Variants in HEATR5A observed in about 807,000 individuals in gnomAD.
The protein encoded by HEATR5A is HEAT repeat containing 5A, also known as HEAT repeat-containing protein 5A.
HEATR5A carries 178 observed loss-of-function variants against 218.8 expected under a neutral mutation model. That is an observed-to-expected ratio of 0.81 (90% CI 0.72 to 0.92). HEATR5A has a LOEUF of 0.92. HEATR5A is among the 40% of genes least tolerant of loss of function. HEATR5A has a pLI of 0.00. For missense variants in HEATR5A, 2,420 were observed against 2,418.9 expected, an observed-to-expected ratio of 1.00 and a Z score of -0.01; for synonymous variants, 864 against 871.6, an observed-to-expected ratio of 0.99 and a Z score of 0.15.
Position 31,398,847 on chromosome 14 carries a change from T to C in HEATR5A, c.339-66A>G, listed in dbSNP as rs2030758705. 35 of 871,358 alleles carry C rather than the reference T, an allele frequency of 4.0e-5. 1 individual carries two copies. In the South Asian group the frequency reaches 5.1e-4, roughly 13 times the overall value. The allele number at this position is 871,358 out of a possible 1,614,324, so 54.0% of individuals were successfully genotyped here. On this transcript the variant is annotated intron_variant, in intron 3 of 35. Coordinates refer to ENST00000543095, the MANE Select transcript of HEATR5A (RefSeq NM_015473.4). ...AAATAGGAATAAAAAGATCTTAGGA[T>C]ATGTAAGGATAACTGTTGAAAAATA... is the stretch of plus-strand genomic sequence containing the variant.
In HEATR5A at chr14:31,407,580, TTATTTATATATATATATATA is replaced by T. The variant is rs1302899208; in HGVS notation, c.-74-4551_-74-4532del. 6.2e-3 allele frequency among the ~76,000 whole-genome samples: 927 copies of T among 149,222 alleles called. 13 individuals are homozygous for T. Among genetic ancestry groups the T allele is most frequent in the African/African-American group, 0.022 (887 of 39,750 alleles). ...CATGTACCTGTTATCATCACTTATT[TTATTTATATATATATATATA>T]TATATATATATATATATATATATAT... On this transcript the variant is annotated intron_variant, in intron 1 of 35. Transcript: ENST00000543095.
chr14:31,387,165 C>G lies in HEATR5A; in HGVS notation c.1144G>C (p.Val382Leu). The change falls in exon 8 of 36, where the codon GTA (valine) becomes CTA (leucine). Residue 382 changes from valine to leucine, a missense_variant. Val to Leu is a conservative substitution (Grantham distance 32, BLOSUM62 1). Coordinates refer to ENST00000543095, the MANE Select transcript of HEATR5A (RefSeq NM_015473.4). ...LLGEKAQLAA[V>L]KDICQAIWKL... ...CAGATGGCCTGGCAAATATCCTTTA[C>G]AGCAGCAAGCTGAGCCTTTTCTCCA... 1.2e-6 allele frequency: 2 copies of G among 1,613,960 alleles called. No homozygotes were observed. Among genetic ancestry groups the G allele is most frequent in the Non-Finnish European group, 1.7e-6 (2 of 1,179,864 alleles).
At chr14:31,376,183 A>G (rs1361940118) in intron 11 of HEATR5A, among the ~76,000 whole-genome samples, 2 of 152,208 alleles carry the variant, frequency 1.3e-5, no homozygotes, top group Non-Finnish European at 2.9e-5. Flanking sequence ...TATTTTATTC[A>G]AAGGACAGTT....
chr14:31,340,566 T>C, intron 21 of HEATR5A: 3 of 777,958 alleles, frequency 3.9e-6, no homozygotes, highest in Non-Finnish European at 5.6e-6. Flanking sequence ...AGCATTAAAA[T>C]ATAAATGTTG....
At chr14:31,418,104 A>T (rs2031516210) in intron 1 of HEATR5A, among the ~76,000 whole-genome samples, 1 of 151,938 alleles carries the variant, frequency 6.6e-6, no homozygotes, top group Admixed American at 6.6e-5. Context: ...GCTACTCGGG[A>T]GGCTAAGGCA....
chr14:31,346,474 T>C (rs1901026262), intron 19 of HEATR5A, among the ~76,000 whole-genome samples: 1 of 152,156 alleles, frequency 6.6e-6, no homozygotes, highest in Non-Finnish European at 1.5e-5. Context: ...GTGGTTATAC[T>C]GGATCTTAAA....
chr14:31,349,679 CT>C (rs1213435130), intron 18 of HEATR5A, 109 bp downstream of exon 18: 3 of 705,876 alleles, frequency 4.3e-6, no homozygotes, highest in East Asian at 2.9e-5. Flanking sequence ...GACAATTTTT[CT>C]TTTCTTAGTT....
At position 31,409,970 on chromosome 14, in the gene HEATR5A, T is replaced by C. The variant is rs149363277; in HGVS notation, c.-74-6921A>G. On this transcript the variant is annotated intron_variant, in intron 1 of 35. Coordinates refer to ENST00000543095, the MANE Select transcript of HEATR5A (RefSeq NM_015473.4). ...TCTTGGTCATTTTAGTTCCTTAAAA[T>C]GATTATATCATTTCAAGGGCGGAAA... Among the ~76,000 whole-genome samples, 20 of 152,338 alleles carry C rather than the reference T, an allele frequency of 1.3e-4. No homozygotes were observed. In the East Asian group the frequency reaches 3.3e-3, roughly 25 times the overall value.
intron 14 of HEATR5A, among the ~76,000 whole-genome samples, chr14:31,362,623 A>C (rs1002548269): frequency 2.0e-5 from 3 of 148,986 alleles, no homozygotes; most frequent in Admixed American, 6.7e-5. Flanking sequence ...AAAAAAAAAA[A>C]AAAAAAAACT....
chr14:31,336,213 CATACATATATATATATATAT>C (rs1218635042), intron 22 of HEATR5A, among the ~76,000 whole-genome samples: 9,297 of 90,702 alleles, frequency 0.1, 738 homozygotes, highest in Non-Finnish European at 0.12. Context: ...TATATACATA[CATACATATATATATATATAT>C]ATATATATAT....
chr14:31,354,124 A>C (rs1901336301), intron 16 of HEATR5A, among the ~76,000 whole-genome samples: 1 of 151,432 alleles, frequency 6.6e-6, no homozygotes, highest in Non-Finnish European at 1.5e-5. Flanking sequence ...TTAAGAACAT[A>C]TTTATGTCCA....
At chr14:31,305,343 A>G (rs986455860) in intron 31 of HEATR5A, among the ~76,000 whole-genome samples, 166 bp from the exon 32 acceptor site, 12 of 152,056 alleles carry the variant, frequency 7.9e-5, no homozygotes, top group African/African-American at 2.9e-4. Flanking sequence ...GCTCACTGCA[A>G]CCTCTGCCTT....
chr14:31,409,715 T>C (rs1288992965), intron 1 of HEATR5A, among the ~76,000 whole-genome samples: 2 of 152,108 alleles, frequency 1.3e-5, no homozygotes, highest in African/African-American at 4.8e-5. Flanking sequence ...CCAACCATAT[T>C]ATCAACAAGG....
chr14:31,385,154 C>G (rs770902756), intron 9 of HEATR5A, among the ~76,000 whole-genome samples: 1 of 152,150 alleles, frequency 6.6e-6, no homozygotes, highest in Non-Finnish European at 1.5e-5. Flanking sequence ...GAAACAGGGT[C>G]TCACTCTGTC....
At position 31,320,084 on chromosome 14, in the gene HEATR5A, T is replaced by C. The variant is rs140515255; in HGVS notation, c.3969+1415A>G. The C allele has an allele frequency of 6.8e-3, 1,485 of 218,012 alleles. 14 individuals carry two copies. The highest frequency in any genetic ancestry group is 9.7e-3 in the Non-Finnish European group (1,055 of 108,378). 13.5% of individuals were successfully genotyped at this position (218,012 alleles called of 1,614,324 possible). A position where few individuals can be genotyped will look rare whatever the true frequency, so the allele number is the denominator to read the frequency against. On this transcript the variant is annotated intron_variant, in intron 25 of 35. Coordinates refer to ENST00000543095, the MANE Select transcript of HEATR5A (RefSeq NM_015473.4). ...GAAAATAAATGAAAGAGGTTATATA[T>C]ATTATGAAAATTAACCTTTATTTAT... is the stretch of plus-strand genomic sequence containing the variant.
chr14:31,349,826 C>G lies in HEATR5A; in HGVS notation c.2671G>C (p.Ala891Pro). 1.2e-6 allele frequency: 2 copies of G among 1,613,142 alleles called. No individual in the cohort carries two copies. The highest frequency in any genetic ancestry group is 1.7e-6 in the Non-Finnish European group (2 of 1,179,246). Reference sequence around the variant, plus strand: ...ACTTGAGCTAATCCAGCAGTAAAAGCTCCATCATCTACCACTTGGGCTAAT... The same window carrying G: ...ACTTGAGCTAATCCAGCAGTAAAAGGTCCATCATCTACCACTTGGGCTAAT... The part of the protein sequence containing the change: ...ARLAQVVDDG[A>P]FTAGLAQVSF... The change falls in exon 18 of 36, where the codon GCT (alanine) becomes CCT (proline). Residue 891 changes from alanine to proline, a missense_variant. Ala to Pro is a conservative substitution (Grantham distance 27, BLOSUM62 -1). Coordinates refer to ENST00000543095, the MANE Select transcript of HEATR5A (RefSeq NM_015473.4).
Position 31,321,754 on chromosome 14 carries a change from T to TA in HEATR5A, c.3788-75dup, listed in dbSNP as rs1900115689. The stretch of plus-strand genomic sequence containing the variant: ...AAAAAAATGTGCTGGAACTAAGACT[T>TA]ACATTAAGTGATAATTTTTCCTCCT... On this transcript the variant is annotated intron_variant, in intron 24 of 35. Transcript: ENST00000543095. 4.4e-6 allele frequency: 5 copies of TA among 1,133,524 alleles called. No individual in the cohort carries two copies. In the South Asian group the frequency reaches 4.9e-5, roughly 11 times the overall value. The allele number at this position is 1,133,524 out of a possible 1,614,324, so 70.2% of individuals were successfully genotyped here.
intron 29 of HEATR5A, 57 bp from the exon 30 acceptor site, chr14:31,308,077 T>TA (rs1899613309): frequency 6.9e-7 from 1 of 1,449,586 alleles, no homozygotes; most frequent in Non-Finnish European, 9.3e-7. Context: ...TTTATGAAAT[T>TA]AAGTAATTAA....
intron 34 of HEATR5A, among the ~76,000 whole-genome samples, chr14:31,294,768 C>T (rs1166196862): frequency 1.3e-5 from 2 of 152,058 alleles, no homozygotes; most frequent in Non-Finnish European, 2.9e-5. Context: ...ACACCCAAAA[C>T]AAAACACATA....
Sources: gnomAD v4.1 joint callset for allele counts (sites outside exome capture counted in the v4.1 genomes callset) on GRCh38, gnomAD v4.1.1 for gene constraint, MANE v1.5 for transcripts, NCBI Gene and HGNC (gene_info 2026-07-23, HGNC 2026-07-21) for gene names.